EFNA5: variants seen among roughly 807,000 people sequenced by gnomAD.
The protein encoded by EFNA5 is ephrin A5.
EFNA5 carries 5 observed loss-of-function variants against 22.9 expected under a neutral mutation model. That is an observed-to-expected ratio of 0.22 (90% CI 0.11 to 0.46). The LOEUF is 0.46. EFNA5 is among the 20% of genes least tolerant of loss of function. The pLI, the probability that EFNA5 is intolerant of heterozygous loss-of-function variation, is 0.99. For synonymous variants in EFNA5, 113 were observed against 112.2 expected, an observed-to-expected ratio of 1.01 and a Z score of -0.04; for missense variants, 237 against 293.3, an observed-to-expected ratio of 0.81 and a Z score of 1.40.
intron 1 of EFNA5, among the ~76,000 whole-genome samples, chr5:107,616,559 A>G (rs1265787087): frequency 6.6e-6 from 1 of 152,162 alleles, no homozygotes; most frequent in Admixed American, 6.5e-5. Flanking sequence ...TTTAAAAAAT[A>G]ATAAATAAAA....
Position 107,381,362 on chromosome 5 carries a change from C to T in EFNA5, c.580G>A (p.Glu194Lys). The T allele has an allele frequency of 6.2e-7, 1 of 1,613,412 alleles. No individual in the cohort carries two copies. The highest frequency in any genetic ancestry group is 8.5e-7 in the Non-Finnish European group (1 of 1,179,506). ...TCGCCGCGGGATGGCTCGGCTGACT[C>T]ATGTACGGTGTCATCTGTTCAAATA... ...SLEPADDTVH[E>K]SAEPSRGENA... is the part of the protein sequence containing the mutation. Residue 194 changes from glutamate (E) to lysine (K), a missense_variant, in exon 5 of 5, where the codon GAG becomes AAG. This residue lies in a region of EFNA5 where 104 missense variants were observed against 114.5 expected (regional missense o/e 0.91). Transcript: ENST00000333274.
At chr5:107,528,900 G>C (rs1243267092) in intron 1 of EFNA5, among the ~76,000 whole-genome samples, 1 of 152,070 alleles carries the variant, frequency 6.6e-6, no homozygotes, top group Non-Finnish European at 1.5e-5. Flanking sequence ...AGCTTTATTT[G>C]TATAGAATAC....
chr5:107,472,395 G>A (rs1265666472), intron 1 of EFNA5, among the ~76,000 whole-genome samples: 1 of 152,140 alleles, frequency 6.6e-6, no homozygotes, highest in Non-Finnish European at 1.5e-5. Context: ...TATTAGTGAT[G>A]ATAAAAATTG....
rs1164519131 is a variant in EFNA5, at chr5:107,379,035, T to C, written c.*2220A>G. 1 of 152,072 alleles carries C rather than the reference T, an allele frequency of 6.6e-6. No individual in the cohort carries two copies. The highest frequency in any genetic ancestry group is 6.5e-5 in the Admixed American group (1 of 15,272). 9.4% of individuals were successfully genotyped at this position (152,072 alleles called of 1,614,324 possible). On this transcript the variant is annotated 3_prime_UTR_variant, in exon 5 of 5. Transcript: ENST00000333274. Reference sequence around the variant, plus strand: ...TCTGCATATGACTGAGAGTACTGCATATATAAATAGCTAAAGGAAAAAGGA... The same window carrying C: ...TCTGCATATGACTGAGAGTACTGCACATATAAATAGCTAAAGGAAAAAGGA...
intron 1 of EFNA5, among the ~76,000 whole-genome samples, chr5:107,644,889 T>TG (rs1417885498): frequency 3.3e-5 from 5 of 152,230 alleles, no homozygotes; most frequent in Non-Finnish European, 7.4e-5. Context: ...TTAGTAGAGA[T>TG]GGGGTTTCTC....
chr5:107,456,262 G>A (rs11951137), intron 1 of EFNA5, among the ~76,000 whole-genome samples: 16,001 of 152,038 alleles, frequency 0.11, 920 homozygotes, highest in Middle Eastern at 0.14. Context: ...TTTTATCCCA[G>A]AGCTCTAGGC....
chr5:107,464,825 G>C (rs1422336006), intron 1 of EFNA5, among the ~76,000 whole-genome samples: 1 of 152,124 alleles, frequency 6.6e-6, no homozygotes, highest in African/African-American at 2.4e-5. Context: ...GGAAAGAGGA[G>C]AGGGGAAAAT....
chr5:107,505,661 G>T (rs529033934), intron 1 of EFNA5, among the ~76,000 whole-genome samples: 1 of 152,156 alleles, frequency 6.6e-6, no homozygotes. Flanking sequence ...AACTGATTGC[G>T]TAGTGAAAAT....
intron 1 of EFNA5, among the ~76,000 whole-genome samples, chr5:107,488,478 G>A (rs1255316855): frequency 6.6e-6 from 1 of 152,114 alleles, no homozygotes; most frequent in African/African-American, 2.4e-5. Flanking sequence ...TATCAGAAAG[G>A]GTTTGCAGGG....
intron 2 of EFNA5, among the ~76,000 whole-genome samples, chr5:107,419,157 T>G (rs887305157): frequency 2.0e-5 from 3 of 152,204 alleles, no homozygotes; most frequent in African/African-American, 7.2e-5. Flanking sequence ...AGAGGGCACC[T>G]GGCAGTAAAT....
intron 1 of EFNA5, among the ~76,000 whole-genome samples, chr5:107,478,151 C>G (rs10491392): frequency 0.11 from 17,248 of 152,216 alleles, 1,075 homozygotes; most frequent in Middle Eastern, 0.2. Flanking sequence ...GTGTTACACC[C>G]TGTTGCCAAA....
intron 2 of EFNA5, among the ~76,000 whole-genome samples, chr5:107,419,126 G>A (rs948603161): frequency 6.6e-6 from 1 of 152,208 alleles, no homozygotes; most frequent in African/African-American, 2.4e-5. Flanking sequence ...CTGATGCTGC[G>A]TATGCATGCT....
At chr5:107,410,920 A>T (rs1268657480) in intron 2 of EFNA5, among the ~76,000 whole-genome samples, 1 of 152,198 alleles carries the variant, frequency 6.6e-6, no homozygotes, top group East Asian at 1.9e-4. Flanking sequence ...TAAAGCTGGA[A>T]ATTAAGAAAC....
rs117442634 is a variant in EFNA5 at position 107,543,008 on chromosome 5, C to T, written c.126-115499G>A. ...TAAATAAATAAATAAAAAGTGTTGA[C>T]CTCACCCAGGCCCATTTACCGCACT... On this transcript the variant is annotated intron_variant, in intron 1 of 4. Coordinates refer to ENST00000333274, the MANE Select transcript of EFNA5 (RefSeq NM_001962.3). Among the ~76,000 whole-genome samples the T allele has an allele frequency of 5.3e-5, 8 of 152,234 alleles. No homozygotes were observed. The East Asian group carries it at 1.5e-3, about 29-fold the overall frequency.
At chr5:107,527,572 A>C (rs1052668889) in intron 1 of EFNA5, among the ~76,000 whole-genome samples, 2 of 151,700 alleles carry the variant, frequency 1.3e-5, no homozygotes, top group African/African-American at 4.9e-5. Flanking sequence ...GGCATGAGCC[A>C]CTGCACCCAG....
chr5:107,387,995 G>T (rs143214064), intron 2 of EFNA5, among the ~76,000 whole-genome samples: 3 of 152,256 alleles, frequency 2.0e-5, no homozygotes, highest in Non-Finnish European at 4.4e-5. Context: ...TACAATAAAA[G>T]AATCATGCAA....
intron 1 of EFNA5, among the ~76,000 whole-genome samples, chr5:107,519,613 T>G (rs748232616): frequency 1.3e-5 from 2 of 152,142 alleles, no homozygotes; most frequent in Admixed American, 1.3e-4. Flanking sequence ...AATAAAACAC[T>G]GAGAAAACGA....
chr5:107,514,461 C>A (rs1350775179), intron 1 of EFNA5, among the ~76,000 whole-genome samples: 1 of 152,162 alleles, frequency 6.6e-6, no homozygotes, highest in Non-Finnish European at 1.5e-5. Flanking sequence ...GCAGAGAACA[C>A]ATCATCCCAC....
intron 2 of EFNA5, among the ~76,000 whole-genome samples, chr5:107,426,474 G>A (rs11956440): frequency 0.21 from 32,386 of 152,108 alleles, 3,612 homozygotes; most frequent in South Asian, 0.33. Context: ...CACTATGCAC[G>A]GTGAAGTTTG....
Sources: allele counts gnomAD v4.1 joint callset (sites outside exome capture counted in the v4.1 genomes callset), GRCh38; gene constraint gnomAD v4.1.1; regional missense constraint gnomAD v4.1.1; transcripts MANE v1.5; gene names NCBI Gene and HGNC (gene_info 2026-07-23, HGNC 2026-07-21).